CACNA1C: variants seen among roughly 807,000 people sequenced by gnomAD.
The protein encoded by CACNA1C is calcium voltage-gated channel subunit alpha1 C, also known as voltage-dependent L-type calcium channel subunit alpha-1C.
CACNA1C carries 30 observed loss-of-function variants against 229.0 expected under a neutral mutation model. That is an observed-to-expected ratio of 0.13 (90% CI 0.10 to 0.18). The LOEUF is 0.18. Ranked by LOEUF, CACNA1C falls within the 10% of genes least tolerant of loss-of-function variation. CACNA1C has a pLI of 1.00. For missense variants in CACNA1C, 1,658 were observed against 2,845.0 expected, an observed-to-expected ratio of 0.58 and a Z score of 9.49; for synonymous variants, 1,114 against 1,132.5, an observed-to-expected ratio of 0.98 and a Z score of 0.33.
chr12:2,131,794 T>C (rs1186523371), intron 3 of CACNA1C, among the ~76,000 whole-genome samples: 1 of 150,160 alleles, frequency 6.7e-6, no homozygotes, highest in Non-Finnish European at 1.5e-5. Context: ...GCGGGCTCTT[T>C]TTTGGTTCCA....
rs1230166721 is a variant in CACNA1C at position 2,572,016 on chromosome 12, T to A, written c.1895+4222T>A. Among the ~76,000 whole-genome samples the A allele has an allele frequency of 2.0e-5, 3 of 149,214 alleles. No homozygotes were observed. The East Asian group carries it at 6.0e-4, about 30-fold the overall frequency. ...CTTTGCAATGTCTTGCTGCTACTCA[T>A]ATGTAGAAGAAATTTCTTCTCTTTT... On this transcript the variant is annotated intron_variant, in intron 13 of 46. Coordinates refer to ENST00000399655, the MANE Select transcript of CACNA1C (RefSeq NM_000719.7).
intron 3 of CACNA1C, among the ~76,000 whole-genome samples, chr12:2,192,661 G>A (rs749041277): frequency 4.3e-4 from 66 of 152,302 alleles, no homozygotes; most frequent in Non-Finnish European, 6.6e-4. Context: ...GAAAGTTGTC[G>A]TGAGAATTAA....
In CACNA1C at chr12:2,678,240, C is replaced by T. The variant is rs992121305; in HGVS notation, c.5091+373C>T. ...TGTTAATATTTGAAAATCAAGACTT[C>T]TGGCATTCTTTGGAAAAGTCAGGAG... On this transcript the variant is annotated intron_variant, in intron 41 of 46. Transcript: ENST00000399655. This position sits in a 1 kb window ranked among gnomAD's most constrained non-coding sequence, Gnocchi z 4.1. 6.6e-6 allele frequency among the ~76,000 whole-genome samples: 1 copy of T among 152,222 alleles called. No individual in the cohort carries two copies. The highest frequency in any genetic ancestry group is 6.5e-5 in the Admixed American group (1 of 15,286).
chr12:2,690,870 T>G, intron 46 of CACNA1C, 30 bp from the exon 47 acceptor site: 1 of 1,514,660 alleles, frequency 6.6e-7, no homozygotes, highest in South Asian at 1.3e-5. Flanking sequence ...GTTCCTTTGG[T>G]TCTTCATGGC....
intron 3 of CACNA1C, among the ~76,000 whole-genome samples, chr12:2,161,592 C>G (rs1489558877): frequency 1.3e-5 from 2 of 152,162 alleles, no homozygotes; most frequent in Admixed American, 1.3e-4. Context: ...AGCCTCAAGC[C>G]GTGAAAAATG....
chr12:2,573,166 C>T (rs1379215133), intron 13 of CACNA1C, among the ~76,000 whole-genome samples: 3 of 152,166 alleles, frequency 2.0e-5, no homozygotes, highest in Admixed American at 6.5e-5. Context: ...ACTCCAGCCT[C>T]GTCTCAGCCT....
intron 30 of CACNA1C, among the ~76,000 whole-genome samples, chr12:2,640,912 G>C (rs1159180488): frequency 1.3e-5 from 2 of 152,222 alleles, no homozygotes; most frequent in Non-Finnish European, 2.9e-5. Flanking sequence ...GGGTGAGTCA[G>C]CTCAGCCTGC....
chr12:2,052,268 C>T (rs1373154260), upstream of CACNA1C, among the ~76,000 whole-genome samples: 1 of 152,196 alleles, frequency 6.6e-6, no homozygotes, highest in Non-Finnish European at 1.5e-5. Flanking sequence ...GACATCTGGG[C>T]ACCGCTGCCT....
rs567496734 is a variant in CACNA1C, at chr12:2,579,342, C to T, written c.1896-2248C>T. On this transcript the variant is annotated intron_variant, in intron 13 of 46. Coordinates refer to ENST00000399655, the MANE Select transcript of CACNA1C (RefSeq NM_000719.7). ...AGGATTTGTGACTTCAGTGCACATG[C>T]GGACACTCTTCCCTCGGATACAGCT... 7.2e-5 allele frequency among the ~76,000 whole-genome samples: 11 copies of T among 152,200 alleles called. No homozygotes were observed. The South Asian group carries it at 1.7e-3, about 23-fold the overall frequency.
chr12:2,225,187 C>T (rs752773011), intron 3 of CACNA1C, among the ~76,000 whole-genome samples: 17 of 152,182 alleles, frequency 1.1e-4, no homozygotes, highest in Non-Finnish European at 2.2e-4. Flanking sequence ...ATGTGTGGAA[C>T]GCTGTCAGCT....
chr12:2,684,632 C>T lies in CACNA1C; in HGVS notation c.5574-1104C>T, dbSNP rs193117601. Among the ~76,000 whole-genome samples the T allele has an allele frequency of 3.3e-3, 504 of 152,250 alleles. 2 individuals are homozygous for T. Among genetic ancestry groups the T allele is most frequent in the African/African-American group, 0.012 (479 of 41,530 alleles). ...GATAACACAGAGTTTCTCACTACCC[C>T]CAGAGTGGTACAACCCCCAGGGGTA... On this transcript the variant is annotated intron_variant, in intron 43 of 46. Coordinates refer to ENST00000399655, the MANE Select transcript of CACNA1C (RefSeq NM_000719.7).
At chr12:2,663,735 CTTTTTT>C (rs55933898) in intron 34 of CACNA1C, among the ~76,000 whole-genome samples, 52,203 of 103,386 alleles carry the variant, frequency 0.5, 11,984 homozygotes, top group South Asian at 0.61. Context: ...AATAGAGTAT[CTTTTTT>C]TTTTTTTTTT....
chr12:1,987,610 T>C (rs546916298), intron 1 of CACNA1C, among the ~76,000 whole-genome samples: 13 of 152,346 alleles, frequency 8.5e-5, no homozygotes, highest in African/African-American at 2.9e-4. Flanking sequence ...ATTTTTCTTA[T>C]GGTATTTAAA....
chr12:2,313,474 C>A (rs1276416550), intron 3 of CACNA1C, among the ~76,000 whole-genome samples: 2 of 152,188 alleles, frequency 1.3e-5, no homozygotes, highest in African/African-American at 4.8e-5. Flanking sequence ...GCTTGCAGGT[C>A]TTTGGAAAGA....
chr12:2,361,465 TC>T (rs906750931), intron 3 of CACNA1C, among the ~76,000 whole-genome samples: 4 of 152,090 alleles, frequency 2.6e-5, no homozygotes, highest in African/African-American at 9.7e-5. Flanking sequence ...AAGGAAAGGA[TC>T]CTTTTTTCCT....
At chr12:2,281,216 C>G (rs979761960) in intron 3 of CACNA1C, among the ~76,000 whole-genome samples, 4 of 151,078 alleles carry the variant, frequency 2.6e-5, no homozygotes, top group African/African-American at 9.7e-5. Flanking sequence ...ACTTAGATCA[C>G]TCCCTTCCTG....
intron 3 of CACNA1C, among the ~76,000 whole-genome samples, chr12:2,399,940 G>C (rs1257882082): frequency 6.6e-6 from 1 of 152,190 alleles, no homozygotes; most frequent in Admixed American, 6.5e-5. Flanking sequence ...CTGCCTGTAT[G>C]CACCAGGGGT....
intron 3 of CACNA1C, among the ~76,000 whole-genome samples, chr12:2,341,470 G>A (rs1191565523): frequency 1.3e-5 from 2 of 149,592 alleles, no homozygotes; most frequent in African/African-American, 5.1e-5. Flanking sequence ...CAGAGTCGCT[G>A]TGGAATCCCC....
chr12:2,097,184 C>A (rs931073128), intron 1 of CACNA1C, among the ~76,000 whole-genome samples: 12 of 152,038 alleles, frequency 7.9e-5, no homozygotes, highest in Non-Finnish European at 1.8e-4. Flanking sequence ...CTTGCTCTGT[C>A]ACCCAGGCTG....
Sources: gnomAD v4.1 joint callset for allele counts (sites outside exome capture counted in the v4.1 genomes callset) on GRCh38, gnomAD v4.1.1 for gene constraint, Gnocchi (gnomAD v3.1) non-coding constraint, MANE v1.5 for transcripts, NCBI Gene and HGNC (gene_info 2026-07-23, HGNC 2026-07-21) for gene names.